The following ZNF740 variants were observed in gnomAD, a reference collection of about 807,000 sequenced individuals.
ZNF740 encodes the protein zinc finger protein 740.
Under a neutral mutation model 24.8 loss-of-function variants are expected in ZNF740, and 14 were observed. The ratio of observed to expected loss-of-function variants is 0.56; its 90% CI spans 0.37 to 0.88. The LOEUF is 0.88. Among genes scored for constraint, ZNF740 ranks in the 40% least tolerant of loss-of-function variants. ZNF740 has a pLI of 0.00. For missense variants in ZNF740, 201 were observed against 247.9 expected (o/e 0.81, Z 1.27); for synonymous variants, 69 against 84.0 (o/e 0.82, Z 0.98).
At position 53,190,636 on chromosome 12, in the gene ZNF740, T is replaced by A. The variant is rs891461248; in HGVS notation, c.*3046T>A. 6.6e-6 allele frequency: 1 copy of A among 152,474 alleles called. No homozygotes were observed. Among genetic ancestry groups the A allele is most frequent in the African/African-American group, 2.4e-5 (1 of 41,414 alleles). The allele number at this position is 152,474 out of a possible 1,614,324, so 9.4% of individuals were successfully genotyped here. A position where few individuals can be genotyped will look rare whatever the true frequency, so the allele number is the denominator to read the frequency against. On this transcript the variant is annotated 3_prime_UTR_variant, in exon 7 of 7. Coordinates refer to ENST00000416904, the MANE Select transcript of ZNF740 (RefSeq NM_001004304.4). ...TGCCTCTGCTGTGGCCCTGGGGTTTTATCAACTGTCCCCTTCCTATCCTCC... is the reference window on the plus strand; with the variant it reads ...TGCCTCTGCTGTGGCCCTGGGGTTTAATCAACTGTCCCCTTCCTATCCTCC...
rs114435093 is a variant in ZNF740, at chr12:53,194,211, C to A, written c.*6621C>A. 6.2e-7 allele frequency: 1 copy of A among 1,614,048 alleles called. No individual in the cohort carries two copies. The highest frequency in any genetic ancestry group is 1.7e-5 in the Admixed American group (1 of 59,994). On this transcript the variant is annotated 3_prime_UTR_variant, in exon 7 of 7. Coordinates refer to ENST00000416904, the MANE Select transcript of ZNF740 (RefSeq NM_001004304.4). ...GCTGGCTCTCACCGTCTGGTTGATT[C>A]GGACGTGGTTGCACTGTCCTCGATC...
chr12:53,189,258 G>C lies in ZNF740; in HGVS notation c.*1668G>C, dbSNP rs1941882871. ...TCCTTATGGGAAGTTTTGGGGTTTG[G>C]TTGACCCCCACTGTAACCTGACCTG... On this transcript the variant is annotated 3_prime_UTR_variant, in exon 7 of 7. Coordinates refer to ENST00000416904, the MANE Select transcript of ZNF740 (RefSeq NM_001004304.4). 6.6e-6 allele frequency: 1 copy of C among 152,088 alleles called. No homozygotes were observed. Among genetic ancestry groups the C allele is most frequent in the Admixed American group, 6.5e-5 (1 of 15,270 alleles). 9.4% of individuals were successfully genotyped at this position (152,088 alleles called of 1,614,324 possible).
chr12:53,192,805 C>T lies in ZNF740; in HGVS notation c.*5215C>T, dbSNP rs11574542. The T allele has an allele frequency of 1.9e-6, 3 of 1,614,114 alleles. No individual in the cohort carries two copies. In the African/African-American group the frequency reaches 4.0e-5, roughly 22 times the overall value. Reference sequence around the variant, plus strand: ...GCAGCGTCCATGCCCACTGCAGAGCCCTCCCTCGGGACTGATGCAACTGTC... The same window carrying T: ...GCAGCGTCCATGCCCACTGCAGAGCTCTCCCTCGGGACTGATGCAACTGTC... On this transcript the variant is annotated 3_prime_UTR_variant, in exon 7 of 7. Coordinates refer to ENST00000416904, the MANE Select transcript of ZNF740 (RefSeq NM_001004304.4).
Position 53,192,616 on chromosome 12 carries a change from A to G in ZNF740, c.*5026A>G, listed in dbSNP as rs1307952799. ...CCTTGCCCAACTACAAGCAGGACGG[A>G]GAGTAGGCAGATGGGAGTAGCTCAA... On this transcript the variant is annotated 3_prime_UTR_variant, in exon 7 of 7. Transcript: ENST00000416904. 4.4e-6 allele frequency: 7 copies of G among 1,596,878 alleles called. No individual in the cohort carries two copies. The highest frequency in any genetic ancestry group is 1.7e-6 in the Non-Finnish European group (2 of 1,167,032).
chr12:53,191,976 C>G lies in ZNF740; in HGVS notation c.*4386C>G. The G allele has an allele frequency of 1.9e-6, 3 of 1,612,632 alleles. No homozygotes were observed. Among genetic ancestry groups the G allele is most frequent in the Non-Finnish European group, 2.5e-6 (3 of 1,179,978 alleles). On this transcript the variant is annotated 3_prime_UTR_variant, in exon 7 of 7. Coordinates refer to ENST00000416904, the MANE Select transcript of ZNF740 (RefSeq NM_001004304.4). ...GCCCCAGCCCCACTGCCACGATGCCCCCTACGCAGCCCAGCACAATGGCCT... is the reference window on the plus strand; with the variant it reads ...GCCCCAGCCCCACTGCCACGATGCCGCCTACGCAGCCCAGCACAATGGCCT...
In ZNF740 at chr12:53,191,272, A is replaced by G. The variant is rs562730451; in HGVS notation, c.*3682A>G. On this transcript the variant is annotated 3_prime_UTR_variant, in exon 7 of 7. Transcript: ENST00000416904. ...CAAGAGCTTTCCCGAGGCCCAGGCT[A>G]TAAACAGTCTGCTTTGGCCTTGATG... 2.3e-6 allele frequency: 1 copy of G among 429,130 alleles called. No individual in the cohort carries two copies. Among genetic ancestry groups the G allele is most frequent in the East Asian group, 4.8e-5 (1 of 20,886 alleles). The allele number at this position is 429,130 out of a possible 1,614,324, so 26.6% of individuals were successfully genotyped here.
intron 6 of ZNF740, 67 bp downstream of exon 6, chr12:53,186,576 C>T (rs759955145): frequency 1.1e-4 from 145 of 1,295,470 alleles, no homozygotes; most frequent in Admixed American, 3.1e-4. Flanking sequence ...GGGCCACCCT[C>T]CACTCCTGCC....
Position 53,186,044 on chromosome 12 carries a change from TAC to T in ZNF740, c.341_342del (p.Tyr114SerfsTer12), listed in dbSNP as rs769168204. Reference protein sequence around the residue: ...EHCFGAFRSSYHLKRHILIHT... With the variant: ...EHCFGAFRSSXHLKRHILIHT... ...CTGCTTTGGAGCCTTTCGGAGCAGT[TAC>T]CACCTAAAGAGGCACATCCTTATTC... is the stretch of plus-strand genomic sequence containing the variant. On this transcript the variant is annotated frameshift_variant, in exon 5 of 7. Coordinates refer to ENST00000416904, the MANE Select transcript of ZNF740 (RefSeq NM_001004304.4). LOFTEE classifies it high-confidence loss of function. The T allele has an allele frequency of 6.2e-7, 1 of 1,613,996 alleles. No individual in the cohort carries two copies. Among genetic ancestry groups the T allele is most frequent in the Non-Finnish European group, 8.5e-7 (1 of 1,179,852 alleles).
intron 2 of ZNF740, among the ~76,000 whole-genome samples, chr12:53,184,358 C>T (rs1006141796): frequency 4.6e-5 from 7 of 151,962 alleles, no homozygotes; most frequent in African/African-American, 1.5e-4. Flanking sequence ...CTGGCTAATT[C>T]TTGTATTTTT....
At chr12:53,184,792 G>GTT (rs1470780701) in intron 2 of ZNF740, 99 bp from the exon 3 acceptor site, 1 of 1,406,644 alleles carries the variant, frequency 7.1e-7, no homozygotes, top group African/African-American at 1.4e-5. Flanking sequence ...GAGAGAAGCA[G>GTT]TTTGTAGCAG....
At chr12:53,184,150 T>TGTGTGTGTGTGTGCGCGCGCGCGC (rs59250662) in intron 2 of ZNF740, among the ~76,000 whole-genome samples, 3 of 104,344 alleles carry the variant, frequency 2.9e-5, no homozygotes, top group African/African-American at 7.5e-5. Context: ...TGTGTGTGTG[T>TGTGTGTGTGTGTGCGCGCGCGCGC]GCGCGCGCGC....
rs766535971 is a variant in ZNF740 at position 53,187,564 on chromosome 12, A to G, written c.556A>G (p.Thr186Ala). Residue 186 changes from threonine to alanine, a missense_variant, in exon 7 of 7, where the codon ACT becomes GCT. By Grantham distance (58) the Thr-to-Ala change is moderately conservative. Around this residue, in one of 3 missense-constraint regions of ZNF740, gnomAD observed 24 missense variants for 17.8 expected, o/e 1.35. Transcript: ENST00000416904. ...KRMCQGCQSKTSDGQFSL is the reference protein window; with the variant it reads ...KRMCQGCQSKASDGQFSL The stretch of plus-strand genomic sequence containing the variant: ...GATGTGCCAAGGGTGCCAGTCCAAG[A>G]CTTCCGACGGGCAGTTTTCTCTATA... 2 of 1,613,824 alleles carry G rather than the reference A, an allele frequency of 1.2e-6. No homozygotes were observed. Among genetic ancestry groups the G allele is most frequent in the African/African-American group, 2.7e-5 (2 of 74,890 alleles).
intron 2 of ZNF740, among the ~76,000 whole-genome samples, chr12:53,184,011 G>A (rs962543925): frequency 1.3e-5 from 2 of 151,838 alleles, no homozygotes; most frequent in African/African-American, 2.4e-5. Flanking sequence ...GCGACAGAGT[G>A]ACACCCTGTC....
chr12:53,192,202 G>C lies in ZNF740; in HGVS notation c.*4612G>C. The C allele has an allele frequency of 8.1e-7, 1 of 1,229,778 alleles. No homozygotes were observed. 76.2% of individuals were successfully genotyped at this position (1,229,778 alleles called of 1,614,324 possible). A position where few individuals can be genotyped will look rare whatever the true frequency, so the allele number is the denominator to read the frequency against. On this transcript the variant is annotated 3_prime_UTR_variant, in exon 7 of 7. Coordinates refer to ENST00000416904, the MANE Select transcript of ZNF740 (RefSeq NM_001004304.4). ...CTCGTCCACTTGCTCAATTGCCTCT[G>C]CCTTTGTCCTGGATTCACAGTTCTG... is the stretch of plus-strand genomic sequence containing the variant.
chr12:53,189,130 A>G lies in ZNF740; in HGVS notation c.*1540A>G, dbSNP rs1251415437. The stretch of plus-strand genomic sequence containing the variant: ...TTGGAGGGTTTTTTTTTTTAAGATG[A>G]ATTCAACAGCCTGGTGGTTAGGATG... On this transcript the variant is annotated 3_prime_UTR_variant, in exon 7 of 7. Coordinates refer to ENST00000416904, the MANE Select transcript of ZNF740 (RefSeq NM_001004304.4). 6.6e-6 allele frequency: 1 copy of G among 151,842 alleles called. No homozygotes were observed. Among genetic ancestry groups the G allele is most frequent in the Non-Finnish European group, 1.5e-5 (1 of 67,942 alleles). The allele number at this position is 151,842 out of a possible 1,614,324, so 9.4% of individuals were successfully genotyped here.
chr12:53,191,961 C>T lies in ZNF740; in HGVS notation c.*4371C>T. On this transcript the variant is annotated 3_prime_UTR_variant, in exon 7 of 7. Coordinates refer to ENST00000416904, the MANE Select transcript of ZNF740 (RefSeq NM_001004304.4). ...GGTAAGCCAGGACCAGCCCCAGCCCCACTGCCACGATGCCCCCTACGCAGC... is the reference window on the plus strand; with the variant it reads ...GGTAAGCCAGGACCAGCCCCAGCCCTACTGCCACGATGCCCCCTACGCAGC... 1 of 1,612,194 alleles carries T rather than the reference C, an allele frequency of 6.2e-7. No individual in the cohort carries two copies. The highest frequency in any genetic ancestry group is 1.7e-5 in the Admixed American group (1 of 59,998).
chr12:53,181,481 T>C (rs1164984995), intron 1 of ZNF740, 196 bp from the exon 2 acceptor site: 4 of 985,400 alleles, frequency 4.1e-6, no homozygotes, highest in Non-Finnish European at 4.8e-6. Context: ...CCCCAATTAC[T>C]TTTGCTCCTG....
intron 3 of ZNF740, 129 bp downstream of exon 3, chr12:53,185,169 T>G (rs1941799231): frequency 2.1e-6 from 3 of 1,415,040 alleles, no homozygotes; most frequent in East Asian, 4.7e-5. Flanking sequence ...AACTGGGGAA[T>G]GGATGAACAT....
chr12:53,186,704 A>G (rs1941828566), intron 6 of ZNF740, 195 bp downstream of exon 6: 12 of 514,052 alleles, frequency 2.3e-5, no homozygotes, highest in Non-Finnish European at 4.2e-5. Flanking sequence ...TGTAATAATA[A>G]TAATAATAGC....
Sources: allele counts gnomAD v4.1 joint callset (sites outside exome capture counted in the v4.1 genomes callset), GRCh38; gene constraint gnomAD v4.1.1; regional missense constraint gnomAD v4.1.1; transcripts MANE v1.5; gene names NCBI Gene and HGNC (gene_info 2026-07-23, HGNC 2026-07-21).